The following GPR137 variants were observed in gnomAD, a reference collection of about 807,000 sequenced individuals.
The protein encoded by GPR137 is G protein-coupled receptor 137.
Under a neutral mutation model 38.9 loss-of-function variants are expected in GPR137, and 20 were observed. The ratio of observed to expected loss-of-function variants is 0.51; its 90% CI spans 0.36 to 0.75. The LOEUF is 0.75. Among genes scored for constraint, GPR137 ranks in the 30% least tolerant of loss-of-function variants. The pLI is 0.00. For missense variants in GPR137, 456 were observed against 526.4 expected (o/e 0.87, Z 1.31); for synonymous variants, 226 against 235.8 (o/e 0.96, Z 0.38).
Position 64,286,647 on chromosome 11 carries a change from C to T in GPR137, c.123C>T (p.Val41=), listed in dbSNP as rs765487194. 3 of 1,614,120 alleles carry T rather than the reference C, an allele frequency of 1.9e-6. No individual in the cohort carries two copies. In the South Asian group the frequency reaches 3.3e-5, roughly 18 times the overall value. ...TGTATGCCCTGCTCTTCTTCTCCGTCTATGCCCAGCTCTGGCTGGTGCTTC... is the reference window on the plus strand; with the variant it reads ...TGTATGCCCTGCTCTTCTTCTCCGTTTATGCCCAGCTCTGGCTGGTGCTTC... ...TTLYALLFFS[V]YAQLWLVLLY... is the part of the protein sequence containing the mutation. The change falls in exon 1 of 7, where the codon GTC becomes GTT. Residue 41 remains valine, a synonymous_variant. Transcript: ENST00000438980.
At chr11:64,272,627 G>C (rs2032724190), upstream of GPR137, 2 of 152,240 alleles carry the variant, frequency 1.3e-5, no homozygotes, top group South Asian at 4.1e-4. Context: ...TGTAGGCCGA[G>C]ACATTCCCTT....
exon 1 of GPR137, chr11:64,270,578 G>C: frequency 1.4e-6 from 1 of 703,944 alleles, no homozygotes; most frequent in Non-Finnish European, 2.6e-6. Context: ...GATGCCTAGG[G>C]CCCTAAATGG....
rs1174011661 is a variant in GPR137 at position 64,287,017 on chromosome 11, A to T, written c.407+3A>T. 1 of 1,613,340 alleles carries T rather than the reference A, an allele frequency of 6.2e-7. No individual in the cohort carries two copies. On this transcript the variant is annotated splice_donor_region_variant and intron_variant, in intron 2 of 6. Coordinates refer to ENST00000438980, the MANE Select transcript of GPR137 (RefSeq NM_001170880.2). ...CGGCCGGAGATGAGCCGAGGCTTGT[A>T]AGTACTCGGGACACTGGTGGGCTCA...
chr11:64,284,689 G>C, upstream of GPR137: 1 of 1,535,784 alleles, frequency 6.5e-7, no homozygotes, highest in Non-Finnish European at 8.7e-7. Flanking sequence ...AGCACCCCGG[G>C]CTCCGGGCCC....
upstream of GPR137, chr11:64,284,531 G>A (rs2033723179): frequency 6.6e-7 from 1 of 1,523,086 alleles, no homozygotes; most frequent in East Asian, 2.4e-5. Context: ...GTCTGGCCTG[G>A]CAGGGAGCTG....
Position 64,285,888 on chromosome 11 carries a change from C to A in GPR137, c.-637C>A. 1.0e-6 allele frequency: 1 copy of A among 973,556 alleles called. No homozygotes were observed. Among genetic ancestry groups the A allele is most frequent in the Non-Finnish European group, 1.2e-6 (1 of 819,150 alleles). The allele number at this position is 973,556 out of a possible 1,614,324, so 60.3% of individuals were successfully genotyped here. ...GGGGAGCCGGAGCCCCGGGTCCCCA[C>A]GACCTGAGCCGGCTCTCCCATCAGC... is the stretch of plus-strand genomic sequence containing the variant. On this transcript the variant is annotated 5_prime_UTR_variant, in exon 1 of 7. Coordinates refer to ENST00000438980, the MANE Select transcript of GPR137 (RefSeq NM_001170880.2).
chr11:64,282,161 C>T (rs896744451), upstream of GPR137, among the ~76,000 whole-genome samples: 2 of 152,180 alleles, frequency 1.3e-5, no homozygotes, highest in Non-Finnish European at 2.9e-5. Context: ...TTGGGTTCAC[C>T]GAGGCCCCCT....
Position 64,289,475 on chromosome 11 carries a change from AAC to A in GPR137, c.*281_*282del, listed in dbSNP as rs1211667297. On this transcript the variant is annotated 3_prime_UTR_variant, in exon 7 of 7. Coordinates refer to ENST00000438980, the MANE Select transcript of GPR137 (RefSeq NM_001170880.2). ...CCTCTCCTGTGCCTGCCACTCAATA[AAC>A]AGTGTCTGCGCCCCACAGTTGTGCA... 3 of 1,475,064 alleles carry A rather than the reference AAC, an allele frequency of 2.0e-6. No homozygotes were observed. Among genetic ancestry groups the A allele is most frequent in the Admixed American group, 4.8e-5 (2 of 41,400 alleles). 91.4% of individuals were successfully genotyped at this position (1,475,064 alleles called of 1,614,324 possible).
upstream of GPR137, chr11:64,285,842 G>C (rs1468659402): frequency 3.0e-6 from 3 of 985,006 alleles, no homozygotes; most frequent in East Asian, 1.1e-4. Flanking sequence ...GGAGGGGGAG[G>C]GGGGCGGAGC....
In GPR137 at chr11:64,286,732, G is replaced by T; in HGVS notation, c.208G>T (p.Ala70Ser). 6.2e-7 allele frequency: 1 copy of T among 1,613,378 alleles called. No individual in the cohort carries two copies. Among genetic ancestry groups the T allele is most frequent in the Non-Finnish European group, 8.5e-7 (1 of 1,179,628 alleles). ...GTTCCTGGCCCTCTGTCTGCTCTGG[G>T]CCGCCTTGCGTACCACCCTCTTCTC... ...TVFLALCLLW[A>S]ALRTTLFSFY... Residue 70 changes from alanine (A) to serine (S), a missense_variant, in exon 1 of 7, where the codon GCC becomes TCC. By Grantham distance (99) the Ala-to-Ser change is moderately conservative (BLOSUM62 1). Transcript: ENST00000438980.
chr11:64,273,618 C>T (rs1464173490), upstream of GPR137, among the ~76,000 whole-genome samples: 3 of 152,000 alleles, frequency 2.0e-5, no homozygotes, highest in Admixed American at 6.6e-5. Flanking sequence ...CAGTGGCTCA[C>T]GCCTGTAATC....
At chr11:64,284,478 C>T (rs1157843177), upstream of GPR137, 8 of 1,591,708 alleles carry the variant, frequency 5.0e-6, no homozygotes, top group East Asian at 1.6e-4. Context: ...ACCGTAGCGC[C>T]CCCAGGCCCG....
upstream of GPR137, chr11:64,285,018 A>G (rs1243171263): frequency 1.7e-6 from 2 of 1,205,856 alleles, no homozygotes; most frequent in East Asian, 7.0e-5. Flanking sequence ...GGATAGTGAC[A>G]GCTCCCCCGG....
Position 64,288,234 on chromosome 11 carries a change from C to T in GPR137, c.783+20C>T. The T allele has an allele frequency of 6.2e-7, 1 of 1,610,660 alleles. No individual in the cohort carries two copies. On this transcript the variant is annotated intron_variant, in intron 4 of 6. Coordinates refer to ENST00000438980, the MANE Select transcript of GPR137 (RefSeq NM_001170880.2). The surrounding 1 kb of genome is among the most constrained non-coding windows in gnomAD (Gnocchi z 5.5). ...GACCAGGTGGGCATACGCATGTCTG[C>T]CACCTCCTTAGTAGCCGTGGCACCT... is the stretch of plus-strand genomic sequence containing the variant.
At chr11:64,271,629 A>C, upstream of GPR137, 1 of 1,500,136 alleles carries the variant, frequency 6.7e-7, no homozygotes, top group Non-Finnish European at 8.9e-7. Context: ...GGAGTCCACA[A>C]ACTCGTCACT....
upstream of GPR137, chr11:64,285,603 T>C: frequency 5.1e-6 from 5 of 983,962 alleles, no homozygotes; most frequent in Non-Finnish European, 6.0e-6. Context: ...CGGACCCCCA[T>C]ACAAGTAAAG....
chr11:64,289,053 G>C lies in GPR137; in HGVS notation c.1048G>C (p.Gly350Arg), dbSNP rs755596758. ...GESTSMSGSLGSGSWYGAIGR... is the reference protein window; with the variant it reads ...GESTSMSGSLRSGSWYGAIGR... The stretch of plus-strand genomic sequence containing the variant: ...CTGCTGCAGTATGTCGGGCAGTCTA[G>C]GCTCTGGGAGCTGGTATGGTGCCAT... The change falls in exon 7 of 7, where the codon GGC becomes CGC. Residue 350 changes from glycine to arginine, a missense_variant. By Grantham distance (125) the Gly-to-Arg change is moderately radical. Transcript: ENST00000438980. 1 of 1,591,700 alleles carries C rather than the reference G, an allele frequency of 6.3e-7. No homozygotes were observed. Among genetic ancestry groups the C allele is most frequent in the South Asian group, 1.1e-5 (1 of 89,174 alleles).
chr11:64,288,420 C>G lies in GPR137; in HGVS notation c.864C>G (p.Thr288=), dbSNP rs1182756423. ...TCTTCGTGTGGGAGCTACTGCCCACCACCCTGCTGGTGGGCTTCTTCCGGG... is the reference window on the plus strand; with the variant it reads ...TCTTCGTGTGGGAGCTACTGCCCACGACCCTGCTGGTGGGCTTCTTCCGGG... ...LILFVWELLP[T]TLLVGFFRVH... The change falls in exon 5 of 7, where the codon ACC becomes ACG. Residue 288 remains threonine, a synonymous_variant. Coordinates refer to ENST00000438980, the MANE Select transcript of GPR137 (RefSeq NM_001170880.2). The surrounding 1 kb of genome is among the most constrained non-coding windows in gnomAD (Gnocchi z 5.5). 1 of 1,613,760 alleles carries G rather than the reference C, an allele frequency of 6.2e-7. No homozygotes were observed. Among genetic ancestry groups the G allele is most frequent in the Non-Finnish European group, 8.5e-7 (1 of 1,180,004 alleles).
intron 2 of GPR137, chr11:64,276,834 GC>G (rs1218222788): frequency 1.4e-6 from 1 of 709,942 alleles, no homozygotes; most frequent in African/African-American, 1.7e-5. Context: ...CTAGAGCCTG[GC>G]CCGGAGCTGG....
Sources: gnomAD v4.1 joint callset for allele counts (sites outside exome capture counted in the v4.1 genomes callset) on GRCh38, gnomAD v4.1.1 for gene constraint, Gnocchi (gnomAD v3.1) non-coding constraint, MANE v1.5 for transcripts, NCBI Gene and HGNC (gene_info 2026-07-23, HGNC 2026-07-21) for gene names.